The following PCDHA12 variants were observed in gnomAD, a reference collection of about 807,000 sequenced individuals.
PCDHA12 encodes the protein protocadherin alpha 12.
Under a neutral mutation model 60.0 loss-of-function variants are expected in PCDHA12, and 44 were observed. The observed-to-expected ratio is 0.73, with a 90% CI of 0.58 to 0.94. PCDHA12 has a LOEUF of 0.94. Ranked by LOEUF, PCDHA12 falls within the 40% of genes least tolerant of loss-of-function variation. The pLI is 0.00. For synonymous variants in PCDHA12, 569 were observed against 553.0 expected (o/e 1.03, Z -0.40); for missense variants, 1,276 against 1,239.7 (o/e 1.03, Z -0.44).
chr5:141,008,718 T>C (rs2098388409), intron 3 of PCDHA12, among the ~76,000 whole-genome samples: 1 of 152,230 alleles, frequency 6.6e-6, no homozygotes, highest in Non-Finnish European at 1.5e-5. Context: ...TGCTTGAGTG[T>C]ATGTCCAACT....
chr5:140,926,976 GGA>G (rs1184794302), intron 1 of PCDHA12: 3 of 1,610,286 alleles, frequency 1.9e-6, no homozygotes, highest in Non-Finnish European at 2.5e-6. Context: ...CAGTGCCGGA[GGA>G]GACGGAGCGG....
chr5:140,887,323 C>T (rs1209011082), intron 1 of PCDHA12, among the ~76,000 whole-genome samples: 5 of 152,084 alleles, frequency 3.3e-5, no homozygotes, highest in African/African-American at 1.2e-4. Context: ...GTCTCGAACT[C>T]CTGACCTCGT....
intron 1 of PCDHA12, among the ~76,000 whole-genome samples, chr5:140,964,516 C>G (rs1410737676): frequency 6.6e-6 from 1 of 152,006 alleles, no homozygotes; most frequent in African/African-American, 2.4e-5. Flanking sequence ...ACCCAGTGGC[C>G]AGGTCTCTGA....
chr5:140,911,894 A>G (rs1352900427), intron 1 of PCDHA12, among the ~76,000 whole-genome samples: 2 of 152,184 alleles, frequency 1.3e-5, no homozygotes, highest in Non-Finnish European at 2.9e-5. Context: ...CAAAATCTGT[A>G]TTAGTCAGAG....
intron 3 of PCDHA12, among the ~76,000 whole-genome samples, chr5:140,996,531 G>C (rs782175834): frequency 6.6e-6 from 1 of 152,146 alleles, no homozygotes; most frequent in Non-Finnish European, 1.5e-5. Context: ...GGCCCTGTGT[G>C]TTTTGATATT....
At chr5:140,887,538 A>AC (rs1554183096) in intron 1 of PCDHA12, among the ~76,000 whole-genome samples, 1 of 151,216 alleles carries the variant, frequency 6.6e-6, no homozygotes, top group Admixed American at 6.6e-5. Flanking sequence ...TCCTCTCCCC[A>AC]CCCCTCATGG....
chr5:140,958,419 A>C (rs1275772647), intron 1 of PCDHA12, among the ~76,000 whole-genome samples: 1 of 152,196 alleles, frequency 6.6e-6, no homozygotes, highest in Non-Finnish European at 1.5e-5. Flanking sequence ...GCTTGGAAAG[A>C]AGCACTTTTT....
chr5:141,008,766 A>G (rs2098390228), intron 3 of PCDHA12, among the ~76,000 whole-genome samples: 1 of 152,246 alleles, frequency 6.6e-6, no homozygotes, highest in Non-Finnish European at 1.5e-5. Context: ...TTTGGCTTGG[A>G]AAGTAAAATT....
intron 1 of PCDHA12, among the ~76,000 whole-genome samples, chr5:140,941,274 C>T (rs1267060320): frequency 2.7e-3 from 120 of 44,772 alleles, no homozygotes; most frequent in African/African-American, 7.9e-3. Flanking sequence ...TCTTTCTTTC[C>T]TTCCTTCCTT....
At chr5:140,967,733 C>T (rs1473723959) in intron 1 of PCDHA12, 7 of 1,614,024 alleles carry the variant, frequency 4.3e-6, no homozygotes, top group Non-Finnish European at 5.9e-6. Context: ...AATTGGGGGG[C>T]TGGATTATGA....
At chr5:140,943,908 C>G (rs1554216015) in intron 1 of PCDHA12, among the ~76,000 whole-genome samples, 1 of 152,198 alleles carries the variant, frequency 6.6e-6, no homozygotes, top group Admixed American at 6.5e-5. Context: ...GTCATGAGCA[C>G]TTTAGCATGA....
intron 1 of PCDHA12, among the ~76,000 whole-genome samples, chr5:140,933,464 A>G (rs1257783133): frequency 1.3e-5 from 2 of 152,074 alleles, no homozygotes; most frequent in African/African-American, 4.8e-5. Flanking sequence ...TATACTCTGA[A>G]TTCAAACACA....
intron 1 of PCDHA12, chr5:140,966,674 G>A: frequency 7.7e-7 from 1 of 1,295,168 alleles, no homozygotes; most frequent in Non-Finnish European, 1.0e-6. Flanking sequence ...GGCGCAGGGT[G>A]GCACGAGCGG....
intron 2 of PCDHA12, among the ~76,000 whole-genome samples, chr5:140,982,130 G>A (rs1298475758): frequency 6.6e-6 from 1 of 152,228 alleles, no homozygotes; most frequent in African/African-American, 2.4e-5. Context: ...TTGAGAACAA[G>A]CCCTCCTCAT....
chr5:140,884,021 G>C, intron 1 of PCDHA12: 1 of 1,613,318 alleles, frequency 6.2e-7, no homozygotes, highest in Non-Finnish European at 8.5e-7. Flanking sequence ...GCCGCGGTCG[G>C]TGGGTGCAGG....
chr5:141,009,892 G>GTTT lies in PCDHA12; in HGVS notation c.2781_2782insTTT (p.Glu927_Lys928insPhe). 6.2e-7 allele frequency: 1 copy of GTTT among 1,612,140 alleles called. No individual in the cohort carries two copies. Among genetic ancestry groups the GTTT allele is most frequent in the Non-Finnish European group, 8.5e-7 (1 of 1,179,578 alleles). ...AGAAGAAGGGTAACAAGACCCAGGAGAAAAAAGAGAAAGGGAACAGCACGA... is the reference window on the plus strand; with the variant it reads ...AGAAGAAGGGTAACAAGACCCAGGAGTTTAAAAAAGAGAAAGGGAACAGCACGA... On this transcript the variant is annotated inframe_insertion, in exon 4 of 4. Transcript: ENST00000398631.
At chr5:140,975,876 A>G (rs573852863) in intron 1 of PCDHA12, among the ~76,000 whole-genome samples, 1 of 152,230 alleles carries the variant, frequency 6.6e-6, no homozygotes, top group South Asian at 2.1e-4. Context: ...TACCTAATTG[A>G]TTTTTTCCAC....
chr5:140,923,039 A>G (rs998399771), intron 1 of PCDHA12, among the ~76,000 whole-genome samples: 2 of 152,236 alleles, frequency 1.3e-5, no homozygotes, highest in Non-Finnish European at 2.9e-5. Context: ...TACTACATGT[A>G]TAGTATTTAG....
In PCDHA12 at chr5:141,011,894, T is replaced by G. The variant is rs1303053966; in HGVS notation, c.*1957T>G. 6.5e-6 allele frequency: 1 copy of G among 153,306 alleles called. No homozygotes were observed. The highest frequency in any genetic ancestry group is 1.5e-5 in the Non-Finnish European group (1 of 68,044). The allele number at this position is 153,306 out of a possible 1,614,324, so 9.5% of individuals were successfully genotyped here. ...AATTTAGAAGTTTGATTAATTATAT[T>G]ATCTATTTAGGCATTAATATAAAAG... On this transcript the variant is annotated 3_prime_UTR_variant, in exon 4 of 4. Transcript: ENST00000398631.
Sources: gnomAD v4.1 joint callset for allele counts (sites outside exome capture counted in the v4.1 genomes callset) on GRCh38, gnomAD v4.1.1 for gene constraint, MANE v1.5 for transcripts, NCBI Gene and HGNC (gene_info 2026-07-23, HGNC 2026-07-21) for gene names.